The following CORIN variants were observed in gnomAD, a reference collection of about 807,000 sequenced individuals.
CORIN encodes the protein corin, serine peptidase, also known as atrial natriuretic peptide-converting enzyme.
In CORIN, 117 loss-of-function variants were observed where a neutral mutation model predicts 125.3. That is an observed-to-expected ratio of 0.93 (90% CI 0.80 to 1.09). The LOEUF (loss-of-function observed/expected upper bound fraction) is 1.09. Ranked by LOEUF, CORIN falls within the 50% of genes least tolerant of loss-of-function variation. CORIN has a pLI of 0.00. For missense variants in CORIN, 1,253 were observed against 1,306.7 expected, an observed-to-expected ratio of 0.96 and a Z score of 0.63; for synonymous variants, 450 against 466.4, an observed-to-expected ratio of 0.96 and a Z score of 0.45.
intron 3 of CORIN, among the ~76,000 whole-genome samples, chr4:47,770,071 A>T (rs1209780207): frequency 6.6e-6 from 1 of 152,176 alleles, no homozygotes; most frequent in Non-Finnish European, 1.5e-5. Flanking sequence ...GCAAAGAAAT[A>T]ACTTACAAAA....
intron 5 of CORIN, among the ~76,000 whole-genome samples, chr4:47,708,226 T>C (rs1726667172): frequency 6.6e-6 from 1 of 152,172 alleles, no homozygotes; most frequent in East Asian, 1.9e-4. Flanking sequence ...AAGTCAAAAG[T>C]CCAACAGGGG....
At chr4:47,692,364 C>A (rs1725810067) in intron 6 of CORIN, among the ~76,000 whole-genome samples, 1 of 151,946 alleles carries the variant, frequency 6.6e-6, no homozygotes, top group Non-Finnish European at 1.5e-5. Context: ...ATGGTTTTCC[C>A]CTTCTTTCCA....
In CORIN at chr4:47,623,671, G is replaced by T. The variant is rs763764889; in HGVS notation, c.2440C>A (p.Pro814Thr). 6.2e-7 allele frequency: 1 copy of T among 1,614,170 alleles called. No homozygotes were observed. Among genetic ancestry groups the T allele is most frequent in the Non-Finnish European group, 8.5e-7 (1 of 1,180,020 alleles). Residue 814 changes from proline to threonine, a missense_variant, in exon 19 of 22, where the codon CCA becomes ACA. Pro to Thr is a conservative substitution (Grantham distance 38). Coordinates refer to ENST00000273857, the MANE Select transcript of CORIN (RefSeq NM_006587.4). The part of the protein sequence containing the change: ...GGRTSRPGRW[P>T]WQCSLQSEPS... The stretch of plus-strand genomic sequence containing the variant: ...TCACTCTGCAGAGAACACTGCCATG[G>T]CCACCTTCCAGGGCGACTCGTCCGA...
chr4:47,735,448 G>C (rs61762918), intron 5 of CORIN, among the ~76,000 whole-genome samples: 2 of 152,188 alleles, frequency 1.3e-5, no homozygotes, highest in Admixed American at 6.5e-5. Flanking sequence ...GATCTCAGAT[G>C]AGTGTACTTC....
rs145772143 is a variant in CORIN at position 47,807,805 on chromosome 4, G to A, written c.64-758C>T. Among the ~76,000 whole-genome samples the A allele has an allele frequency of 4.6e-4, 70 of 152,236 alleles. No homozygotes were observed. The East Asian group carries it at 9.5e-3, about 21-fold the overall frequency. On this transcript the variant is annotated intron_variant, in intron 1 of 21. Transcript: ENST00000273857. ...ATCTGGAAATTCATTTATTACAGAT[G>A]GCTAGCTTAAAGCAGTGACTTCAAA...
intron 5 of CORIN, among the ~76,000 whole-genome samples, chr4:47,700,441 T>C (rs924522818): frequency 3.3e-5 from 5 of 152,124 alleles, no homozygotes; most frequent in Admixed American, 3.3e-4. Flanking sequence ...TAAAGTAAAT[T>C]CATACTTCCC....
intron 5 of CORIN, among the ~76,000 whole-genome samples, chr4:47,721,099 G>A (rs2080029057): frequency 6.6e-6 from 1 of 152,068 alleles, no homozygotes. Flanking sequence ...GGTGCACAGT[G>A]GCATTCTTAG....
intron 1 of CORIN, among the ~76,000 whole-genome samples, chr4:47,809,167 C>T (rs1036059946): frequency 2.6e-5 from 4 of 152,134 alleles, no homozygotes; most frequent in Non-Finnish European, 4.4e-5. Context: ...GAAGAAGCTT[C>T]CTTGCTAAGG....
At chr4:47,640,188 C>A (rs1438121148) in intron 16 of CORIN, among the ~76,000 whole-genome samples, 4 of 151,926 alleles carry the variant, frequency 2.6e-5, no homozygotes, top group African/African-American at 9.7e-5. Context: ...GAAAATGGAG[C>A]AAATGGAGTA....
intron 19 of CORIN, among the ~76,000 whole-genome samples, chr4:47,613,850 C>T (rs1721965891): frequency 6.7e-6 from 1 of 150,316 alleles, no homozygotes; most frequent in African/African-American, 2.4e-5. Flanking sequence ...GGAGATATAC[C>T]TAATGCTAGA....
intron 13 of CORIN, among the ~76,000 whole-genome samples, chr4:47,648,068 A>C (rs1723565545): frequency 6.6e-6 from 1 of 152,198 alleles, no homozygotes; most frequent in Non-Finnish European, 1.5e-5. Flanking sequence ...TAGGATAAAA[A>C]GAGAGAGATA....
At chr4:47,824,502 T>C (rs1262906807) in intron 1 of CORIN, among the ~76,000 whole-genome samples, 4 of 152,112 alleles carry the variant, frequency 2.6e-5, no homozygotes, top group African/African-American at 9.7e-5. Flanking sequence ...TTTTTTGCTT[T>C]GTAGAGACAG....
At chr4:47,718,061 T>C (rs1477590252) in intron 5 of CORIN, among the ~76,000 whole-genome samples, 2 of 152,202 alleles carry the variant, frequency 1.3e-5, no homozygotes, top group Non-Finnish European at 2.9e-5. Context: ...ACCAGAGTTC[T>C]TCCTGCCAGG....
chr4:47,757,210 C>T (rs1172783181), intron 4 of CORIN, among the ~76,000 whole-genome samples: 1 of 151,988 alleles, frequency 6.6e-6, no homozygotes, highest in East Asian at 1.9e-4. Context: ...ACTCACTTTG[C>T]TTATTAAATT....
chr4:47,706,341 C>G, intron 5 of CORIN: 1 of 1,534,048 alleles, frequency 6.5e-7, no homozygotes, highest in Non-Finnish European at 8.9e-7. Context: ...TTTTGCCTTT[C>G]CGTCTGGCGG....
rs866312745 is a variant in CORIN at position 47,674,469 on chromosome 4, T to A, written c.1281A>T (p.Arg427Ser). The A allele has an allele frequency of 6.2e-7, 1 of 1,613,906 alleles. No homozygotes were observed. Among genetic ancestry groups the A allele is most frequent in the Middle Eastern group, 1.7e-4 (1 of 6,056 alleles). ...IQTSCQEGDQ[R>S]CLYNPCLDSC... ...AATCAAGGCAGGGATTGTAGAGGCA[T>A]CTTTGGTCTCCTTCTTGACATGAAG... The change falls in exon 10 of 22, where the codon AGA becomes AGT. Residue 427 changes from arginine to serine, a missense_variant. Transcript: ENST00000273857.
intron 4 of CORIN, among the ~76,000 whole-genome samples, chr4:47,753,164 C>G (rs140254528): frequency 6.6e-6 from 1 of 151,982 alleles, no homozygotes; most frequent in East Asian, 1.9e-4. Context: ...CCCCTTGAGC[C>G]GCAAAACCAG....
intron 14 of CORIN, 77 bp from the exon 15 acceptor site, chr4:47,643,333 T>C (rs1266680255): frequency 7.4e-6 from 10 of 1,345,106 alleles, no homozygotes; most frequent in Non-Finnish European, 1.0e-5. Flanking sequence ...CATATCTTCA[T>C]GTGCCAGCAG....
At chr4:47,761,432 A>C (rs2109867192) in intron 4 of CORIN, among the ~76,000 whole-genome samples, 1 of 152,108 alleles carries the variant, frequency 6.6e-6, no homozygotes, top group South Asian at 2.1e-4. Context: ...CAATATATGG[A>C]ATCAACCTAA....
Sources: allele counts gnomAD v4.1 joint callset (sites outside exome capture counted in the v4.1 genomes callset), GRCh38; gene constraint gnomAD v4.1.1; transcripts MANE v1.5; gene names NCBI Gene and HGNC (gene_info 2026-07-23, HGNC 2026-07-21).